The following TLL2 variants were observed in gnomAD, a reference collection of about 807,000 sequenced individuals.
The protein encoded by TLL2 is tolloid-like protein 2.
Under a neutral mutation model 123.0 loss-of-function variants are expected in TLL2, and 106 were observed. That is an observed-to-expected ratio of 0.86 (90% CI 0.74 to 1.01). The LOEUF (loss-of-function observed/expected upper bound fraction) is 1.01, where lower values mean the gene tolerates loss of function less well. Ranked by LOEUF, TLL2 falls within the 50% of genes least tolerant of loss-of-function variation. The pLI, the probability that TLL2 is intolerant of heterozygous loss-of-function variation, is 0.00. For missense variants in TLL2, 1,332 were observed against 1,336.7 expected (o/e 1.00, Z 0.06); for synonymous variants, 494 against 516.8 (o/e 0.96, Z 0.60).
intron 9 of TLL2, among the ~76,000 whole-genome samples, chr10:96,407,079 C>T (rs983944004): frequency 6.6e-5 from 10 of 152,070 alleles, no homozygotes; most frequent in African/African-American, 2.2e-4. Context: ...TACCAGACCC[C>T]TCCCAATCTT....
chr10:96,416,229 T>G (rs531017943), intron 7 of TLL2, among the ~76,000 whole-genome samples: 6 of 152,352 alleles, frequency 3.9e-5, no homozygotes, highest in African/African-American at 1.4e-4. Context: ...AAAGGAATTC[T>G]GCAGCACAAG....
chr10:96,399,337 C>T (rs752566900), intron 10 of TLL2, among the ~76,000 whole-genome samples: 11 of 152,132 alleles, frequency 7.2e-5, no homozygotes, highest in Non-Finnish European at 1.6e-4. Context: ...ACTGCCAGTG[C>T]TATGTTAGGC....
intron 1 of TLL2, among the ~76,000 whole-genome samples, chr10:96,508,534 G>C (rs1847597765): frequency 6.6e-6 from 1 of 152,162 alleles, no homozygotes; most frequent in Non-Finnish European, 1.5e-5. Flanking sequence ...TGTGAAGAAG[G>C]CCCTGGTATT....
Position 96,397,256 on chromosome 10 carries a change from G to C in TLL2, c.1314C>G (p.Asp438Glu). 3 of 1,613,900 alleles carry C rather than the reference G, an allele frequency of 1.9e-6. No homozygotes were observed. The African/African-American group carries it at 4.0e-5, about 22-fold the overall frequency. Reference protein sequence around the residue: ...DKIPEPLVSTDSRLWVEFRSS... With the variant: ...DKIPEPLVSTESRLWVEFRSS... ...TGCGGAACTCCACCCAGAGCCGGCT[G>C]TCCGTGGAGACGAGGGGCTCCGGGA... Residue 438 changes from aspartate (D) to glutamate (E), a missense_variant, in exon 11 of 21, where the codon GAC becomes GAG. Coordinates refer to ENST00000357947, the MANE Select transcript of TLL2 (RefSeq NM_012465.4).
intron 5 of TLL2, among the ~76,000 whole-genome samples, chr10:96,424,650 T>C (rs1457252548): frequency 6.6e-6 from 1 of 152,142 alleles, no homozygotes; most frequent in African/African-American, 2.4e-5. Flanking sequence ...TTCTTTTGGG[T>C]TGTCCATTTT....
At position 96,397,218 on chromosome 10, in the gene TLL2, A is replaced by ATGT. The variant is rs774452665; in HGVS notation, c.1349_1351dup (p.Asn450dup). On this transcript the variant is annotated inframe_insertion, in exon 11 of 21. Coordinates refer to ENST00000357947, the MANE Select transcript of TLL2 (RefSeq NM_012465.4). ...CGCTGCAAAGAAGCCCTTGCCCAAGATGTTGCTGCTGCTGCGGAACTCCAC... is the reference window on the plus strand; with the variant it reads ...CGCTGCAAAGAAGCCCTTGCCCAAGATGTTGTTGCTGCTGCTGCGGAACTCCAC... 1.6e-4 allele frequency: 258 copies of ATGT among 1,613,842 alleles called. 1 individual carries two copies. Among genetic ancestry groups the ATGT allele is most frequent in the Admixed American group, 2.3e-4 (14 of 60,006 alleles).
chr10:96,463,746 G>A (rs1847103369), intron 2 of TLL2, among the ~76,000 whole-genome samples: 1 of 152,212 alleles, frequency 6.6e-6, no homozygotes, highest in South Asian at 2.1e-4. Context: ...ATCTAGCAGG[G>A]CAGACGCAGC....
In TLL2 at chr10:96,393,307, C is replaced by T. The variant is rs138088847; in HGVS notation, c.1726+1880G>A. On this transcript the variant is annotated intron_variant, in intron 13 of 20. Transcript: ENST00000357947. ...CATCACAATAGCCAGAAGAAATTGTCGCATCGGTTTTTCCAGAAAGAATAA... is the reference window on the plus strand; with the variant it reads ...CATCACAATAGCCAGAAGAAATTGTTGCATCGGTTTTTCCAGAAAGAATAA... Among the ~76,000 whole-genome samples, 336 of 152,328 alleles carry T rather than the reference C, an allele frequency of 2.2e-3. 1 individual carries two copies. Among genetic ancestry groups the T allele is most frequent in the African/African-American group, 7.6e-3 (317 of 41,564 alleles).
At chr10:96,372,092 G>A (rs879549519) in intron 19 of TLL2, among the ~76,000 whole-genome samples, 21 of 152,262 alleles carry the variant, frequency 1.4e-4, no homozygotes, top group Non-Finnish European at 1.9e-4. Flanking sequence ...TTCCTGCCGG[G>A]ACCCTGAAGC....
intron 7 of TLL2, among the ~76,000 whole-genome samples, chr10:96,415,716 GCTCTCTCTCTCTGT>G (rs1846549245): frequency 1.9e-4 from 1 of 5,170 alleles, no homozygotes; most frequent in African/African-American, 7.5e-4. Context: ...AGCTGTGCAT[GCTCTCTCTCTCTGT>G]CTCTCTCTGT....
At chr10:96,503,383 T>C (rs183580271) in intron 1 of TLL2, among the ~76,000 whole-genome samples, 23 of 152,294 alleles carry the variant, frequency 1.5e-4, no homozygotes, top group Non-Finnish European at 5.9e-5. Flanking sequence ...GATTATATGA[T>C]GGGTTTCAAT....
intron 16 of TLL2, among the ~76,000 whole-genome samples, chr10:96,380,993 A>G (rs2134055360): frequency 6.6e-6 from 1 of 151,374 alleles, no homozygotes; most frequent in African/African-American, 2.4e-5. Context: ...AAAAAAAAAA[A>G]GAATGCAGAA....
In TLL2 at chr10:96,513,896, C is replaced by T; in HGVS notation, c.-211G>A. Reference sequence around the variant, plus strand: ...AAGCAGCCGCTCGGAGCTACTTGCCCGGCGGCCGAGGCTGCGGCGGCTGCG... The same window carrying T: ...AAGCAGCCGCTCGGAGCTACTTGCCTGGCGGCCGAGGCTGCGGCGGCTGCG... On this transcript the variant is annotated 5_prime_UTR_variant, in exon 1 of 21. Transcript: ENST00000357947. 1 of 532,604 alleles carries T rather than the reference C, an allele frequency of 1.9e-6. No homozygotes were observed. Among genetic ancestry groups the T allele is most frequent in the African/African-American group, 2.0e-5 (1 of 49,772 alleles). The allele number at this position is 532,604 out of a possible 1,614,324, so 33.0% of individuals were successfully genotyped here.
At chr10:96,383,418 G>A (rs972126025) in intron 16 of TLL2, among the ~76,000 whole-genome samples, 3 of 151,968 alleles carry the variant, frequency 2.0e-5, no homozygotes, top group African/African-American at 2.4e-5. Flanking sequence ...TCATGGAGGC[G>A]GTTTCCCCCA....
At chr10:96,463,115 C>A (rs1475144269) in intron 2 of TLL2, among the ~76,000 whole-genome samples, 1 of 152,214 alleles carries the variant, frequency 6.6e-6, no homozygotes, top group East Asian at 1.9e-4. Flanking sequence ...AATATAAAAT[C>A]TGTGAGGATC....
At chr10:96,500,223 T>A (rs531295454) in intron 1 of TLL2, among the ~76,000 whole-genome samples, 9 of 144,922 alleles carry the variant, frequency 6.2e-5, no homozygotes, top group Non-Finnish European at 1.5e-5. Flanking sequence ...TAGGCCAAGG[T>A]GGGAGGATCA....
chr10:96,417,585 T>A (rs1245406605), intron 7 of TLL2, among the ~76,000 whole-genome samples: 3 of 152,112 alleles, frequency 2.0e-5, no homozygotes, highest in Non-Finnish European at 4.4e-5. Flanking sequence ...GTGGCAGAAG[T>A]GATGTCATGC....
At chr10:96,452,759 T>A (rs1318857210) in intron 2 of TLL2, among the ~76,000 whole-genome samples, 1 of 152,188 alleles carries the variant, frequency 6.6e-6, no homozygotes, top group Non-Finnish European at 1.5e-5. Context: ...GGGCAATGAA[T>A]GAATGAATGA....
At chr10:96,472,063 G>C (rs1390564583) in intron 2 of TLL2, among the ~76,000 whole-genome samples, 4 of 152,142 alleles carry the variant, frequency 2.6e-5, no homozygotes, top group African/African-American at 9.7e-5. Flanking sequence ...AGCTTTGGAG[G>C]AGACAGAGGA....
Sources: gnomAD v4.1 joint callset for allele counts (sites outside exome capture counted in the v4.1 genomes callset) on GRCh38, gnomAD v4.1.1 for gene constraint, MANE v1.5 for transcripts, NCBI Gene and HGNC (gene_info 2026-07-23, HGNC 2026-07-21) for gene names.